The following UBR2 variants were observed in gnomAD, a reference collection of about 807,000 sequenced individuals.
The protein encoded by UBR2 is ubiquitin protein ligase E3 component n-recognin 2, also known as E3 ubiquitin-protein ligase UBR2.
Under a neutral mutation model 247.9 loss-of-function variants are expected in UBR2, and 92 were observed. That is an observed-to-expected ratio of 0.37 (90% CI 0.31 to 0.44). The LOEUF is 0.44. Ranked by LOEUF, UBR2 falls within the 20% of genes least tolerant of loss-of-function variation. UBR2 has a pLI of 1.00. For missense variants in UBR2, 1,613 were observed against 2,112.6 expected, an observed-to-expected ratio of 0.76 and a Z score of 4.64; for synonymous variants, 672 against 693.5, an observed-to-expected ratio of 0.97 and a Z score of 0.49.
intron 21 of UBR2, among the ~76,000 whole-genome samples, chr6:42,645,814 T>A (rs530953317): frequency 1.1e-3 from 174 of 152,204 alleles, no homozygotes; most frequent in African/African-American, 3.7e-3. Flanking sequence ...TTGAGGAAGA[T>A]AAGGACACTA....
intron 11 of UBR2, among the ~76,000 whole-genome samples, chr6:42,623,271 G>C (rs1165947508): frequency 1.3e-5 from 2 of 152,008 alleles, no homozygotes; most frequent in Non-Finnish European, 1.5e-5. Flanking sequence ...TATCAGATTA[G>C]AGAAATTTTC....
intron 42 of UBR2, 94 bp downstream of exon 42, chr6:42,679,926 C>A: frequency 1.3e-6 from 1 of 755,026 alleles, no homozygotes. Context: ...AAGTAATGAC[C>A]CTGGTAGAAT....
chr6:42,639,026 C>T (rs922433054), intron 15 of UBR2, among the ~76,000 whole-genome samples: 13 of 152,106 alleles, frequency 8.5e-5, no homozygotes, highest in African/African-American at 3.1e-4. Flanking sequence ...AGCCTAACTG[C>T]TTATAATCTA....
At chr6:42,641,301 T>G (rs1397835556) in intron 16 of UBR2, among the ~76,000 whole-genome samples, 1 of 151,968 alleles carries the variant, frequency 6.6e-6, no homozygotes, top group Non-Finnish European at 1.5e-5. Context: ...CCATCTCTAC[T>G]AAAAATACAA....
At position 42,691,167 on chromosome 6, in the gene UBR2, T is replaced by G; in HGVS notation, c.5262T>G (p.His1754Gln). The change falls in exon 47 of 47, where the codon CAT (histidine) becomes CAG (glutamine). Residue 1754 changes from histidine (H) to glutamine (Q), a missense_variant. Coordinates refer to ENST00000372901, the MANE Select transcript of UBR2 (RefSeq NM_001363705.2). ...NQTLVGIDWQ[H>Q]L is the part of the protein sequence containing the mutation. ...CACTGGTTGGCATTGACTGGCAACA[T>G]TTATAATTATTGCACCACCAAAAAA... 6.2e-7 allele frequency: 1 copy of G among 1,613,136 alleles called. No individual in the cohort carries two copies. Among genetic ancestry groups the G allele is most frequent in the Non-Finnish European group, 8.5e-7 (1 of 1,179,786 alleles).
At position 42,682,070 on chromosome 6, in the gene UBR2, T is replaced by C. The variant is rs149749014; in HGVS notation, c.4719-985T>C. ...GCCTGAGTGACAGAGCAAGACTCTG[T>C]CTCAAAAAGAAAAGTAAAGAAAATT... is the stretch of plus-strand genomic sequence containing the variant. On this transcript the variant is annotated intron_variant, in intron 42 of 46. Transcript: ENST00000372901. 4.1e-3 allele frequency among the ~76,000 whole-genome samples: 627 copies of C among 152,218 alleles called. 4 individuals are homozygous for C. Among genetic ancestry groups the C allele is most frequent in the African/African-American group, 0.015 (603 of 41,510 alleles).
At chr6:42,638,059 A>T (rs938464475) in intron 15 of UBR2, among the ~76,000 whole-genome samples, 1 of 151,840 alleles carries the variant, frequency 6.6e-6, no homozygotes, top group Admixed American at 6.6e-5. Flanking sequence ...TCTGGAGGAG[A>T]TTGTAGAGAG....
intron 46 of UBR2, 59 bp from the exon 47 acceptor site, chr6:42,690,973 G>A: frequency 6.3e-7 from 1 of 1,597,584 alleles, no homozygotes; most frequent in Non-Finnish European, 8.5e-7. Flanking sequence ...GGAAGGGTTG[G>A]GTTATAATAG....
At position 42,641,671 on chromosome 6, in the gene UBR2, T is replaced by C. The variant is rs1796458804; in HGVS notation, c.2010T>C (p.Asn670=). 6.2e-7 allele frequency: 1 copy of C among 1,610,038 alleles called. No homozygotes were observed. The highest frequency in any genetic ancestry group is 8.5e-7 in the Non-Finnish European group (1 of 1,178,556). ...TACATGCCGGAATGTGGAGAAGAAA[T>C]GGGTTCTCTCTAGTAAACCAGGTAA... The part of the protein sequence containing the change: ...AQVHAGMWRR[N]GFSLVNQIYY... The change falls in exon 17 of 47, where the codon AAT becomes AAC. Residue 670 remains asparagine, a synonymous_variant. Transcript: ENST00000372901.
At chr6:42,629,222 GGCCAGACAGGTC>G (rs1437290818) in intron 11 of UBR2, among the ~76,000 whole-genome samples, 4 of 152,126 alleles carry the variant, frequency 2.6e-5, no homozygotes, top group African/African-American at 7.2e-5. Context: ...TCGCCATGTT[GGCCAGACAGGTC>G]TGGAACTCCT....
At chr6:42,564,828 G>A (rs557907100) in intron 1 of UBR2, among the ~76,000 whole-genome samples, 2 of 152,042 alleles carry the variant, frequency 1.3e-5, no homozygotes, top group South Asian at 2.1e-4. Flanking sequence ...GTGCTCCTCC[G>A]ACTAAACATG....
chr6:42,669,282 G>A lies in UBR2; in HGVS notation c.3882-810G>A, dbSNP rs115588807. Among the ~76,000 whole-genome samples the A allele has an allele frequency of 3.9e-3, 592 of 152,178 alleles. 1 individual carries two copies. The highest frequency in any genetic ancestry group is 0.013 in the African/African-American group (554 of 41,514). ...ACTCTCTTTATCTCTTCAGTGTTCC[G>A]AAATTTTCTATGATATTTCTTGGTA... On this transcript the variant is annotated intron_variant, in intron 34 of 46. Coordinates refer to ENST00000372901, the MANE Select transcript of UBR2 (RefSeq NM_001363705.2).
chr6:42,576,360 A>T (rs957575468), intron 2 of UBR2, among the ~76,000 whole-genome samples: 15 of 152,070 alleles, frequency 9.9e-5, no homozygotes, highest in Non-Finnish European at 2.9e-5. Context: ...TTCTCTGACA[A>T]GAGAAAACCT....
intron 16 of UBR2, 116 bp downstream of exon 16, chr6:42,640,386 G>A (rs1796355707): frequency 2.2e-6 from 1 of 460,658 alleles, no homozygotes; most frequent in South Asian, 3.0e-5. Flanking sequence ...CCAGTAAGGT[G>A]TGTGTGTGTG....
chr6:42,647,874 A>C (rs1014238296), intron 21 of UBR2, among the ~76,000 whole-genome samples: 8 of 152,340 alleles, frequency 5.3e-5, no homozygotes, highest in African/African-American at 1.9e-4. Context: ...TTTAAAAATC[A>C]TAAAGTTTTA....
rs1799835105 is a variant in UBR2, at chr6:42,693,218, AAGATG to A, written c.*2047_*2051del. 6.6e-6 allele frequency: 1 copy of A among 152,208 alleles called. No homozygotes were observed. The highest frequency in any genetic ancestry group is 6.5e-5 in the Admixed American group (1 of 15,280). 9.4% of individuals were successfully genotyped at this position (152,208 alleles called of 1,614,324 possible). A position where few individuals can be genotyped will look rare whatever the true frequency, so the allele number is the denominator to read the frequency against. On this transcript the variant is annotated 3_prime_UTR_variant, in exon 47 of 47. Coordinates refer to ENST00000372901, the MANE Select transcript of UBR2 (RefSeq NM_001363705.2). The stretch of plus-strand genomic sequence containing the variant: ...CTGAGAATATCACAGAGCCTGGGAG[AAGATG>A]AATTTACATGAAATTGCAACATACA...
intron 5 of UBR2, 121 bp from the exon 6 acceptor site, chr6:42,605,600 C>A: frequency 1.2e-6 from 1 of 802,814 alleles, no homozygotes; most frequent in Non-Finnish European, 1.8e-6. Context: ...CAGATGAATT[C>A]TTTACAGATA....
chr6:42,611,856 G>A (rs948942452), intron 7 of UBR2, among the ~76,000 whole-genome samples: 21 of 149,980 alleles, frequency 1.4e-4, no homozygotes, highest in Admixed American at 2.7e-4. Context: ...GCGGTGAGCC[G>A]AGATTGCTCC....
At chr6:42,587,410 T>A (rs1792363194) in intron 2 of UBR2, among the ~76,000 whole-genome samples, 1 of 152,094 alleles carries the variant, frequency 6.6e-6, no homozygotes, top group Non-Finnish European at 1.5e-5. Flanking sequence ...CAGGCTGGAG[T>A]ATAGTGGCAT....
Sources: gnomAD v4.1 joint callset for allele counts (sites outside exome capture counted in the v4.1 genomes callset) on GRCh38, gnomAD v4.1.1 for gene constraint, MANE v1.5 for transcripts, NCBI Gene and HGNC (gene_info 2026-07-23, HGNC 2026-07-21) for gene names.